The following ATG7 variants were observed in gnomAD, a reference collection of about 807,000 sequenced individuals.
ATG7 encodes ubiquitin-like modifier-activating enzyme ATG7.
A neutral mutation model predicts 82.4 loss-of-function variants in ATG7; 70 were observed. The observed-to-expected ratio is 0.85, with a 90% confidence interval of 0.70 to 1.04. The LOEUF (loss-of-function observed/expected upper bound fraction) is 1.04, where lower values mean the gene tolerates loss of function less well. Among genes scored for constraint, ATG7 ranks in the 50% least tolerant of loss-of-function variants. The probability of loss-of-function intolerance (pLI) is 0.00; values close to 1 mark genes in which losing one functional copy is unlikely to be tolerated. For missense variants in ATG7, 792 were observed against 864.3 expected (o/e 0.92, Z 1.05); for synonymous variants, 287 against 313.0 (o/e 0.92, Z 0.88).
chr3:11,472,649 T>G (rs1377883253), intron 20 of ATG7, among the ~76,000 whole-genome samples: 2 of 152,130 alleles, frequency 1.3e-5, no homozygotes, highest in African/African-American at 4.8e-5. Context: ...TGCTAATACG[T>G]CTGTTATTTC....
chr3:11,415,875 T>C (rs2152924110), intron 19 of ATG7, among the ~76,000 whole-genome samples: 1 of 152,260 alleles, frequency 6.6e-6, no homozygotes, highest in Non-Finnish European at 1.5e-5. Context: ...TTATGTACTA[T>C]ATATAATTGT....
At position 11,370,454 on chromosome 3, in the gene ATG7, C is replaced by G. The variant is rs188055651; in HGVS notation, c.1875+5720C>G. The stretch of plus-strand genomic sequence containing the variant: ...CTACACTCTCCATTTTGGCATTGAA[C>G]TTGATTAAGACTCTTTTCAGCATCC... On this transcript the variant is annotated intron_variant, in intron 18 of 20. Transcript: ENST00000693202. 2.0e-4 allele frequency among the ~76,000 whole-genome samples: 31 copies of G among 151,308 alleles called. 1 individual carries two copies. Among genetic ancestry groups the G allele is most frequent in the African/African-American group, 6.3e-4 (26 of 41,094 alleles).
At chr3:11,524,693 G>T (rs1367739049) in intron 20 of ATG7, among the ~76,000 whole-genome samples, 1 of 152,160 alleles carries the variant, frequency 6.6e-6, no homozygotes, top group Admixed American at 6.5e-5. Context: ...AGGCTGAGGT[G>T]GGAGGACCAG....
chr3:11,571,412 AG>A, the ATG7 span, among the ~76,000 whole-genome samples: 1 of 152,322 alleles, frequency 6.6e-6, no homozygotes, highest in South Asian at 2.1e-4. Context: ...GGCCAGGTGC[AG>A]TGACTCACGC....
At chr3:11,496,692 T>C (rs2090858887) in intron 20 of ATG7, among the ~76,000 whole-genome samples, 1 of 152,200 alleles carries the variant, frequency 6.6e-6, no homozygotes, top group Non-Finnish European at 1.5e-5. Context: ...TTGATCTTGT[T>C]GTACCCTGTT....
intron 20 of ATG7, chr3:11,529,719 T>A (rs2092656728): frequency 3.3e-5 from 5 of 152,728 alleles, no homozygotes. Context: ...CCTGGTCTCT[T>A]CAGTGGCAAG....
At chr3:11,479,471 G>A (rs908148006) in intron 20 of ATG7, among the ~76,000 whole-genome samples, 1 of 152,132 alleles carries the variant, frequency 6.6e-6, no homozygotes, top group Non-Finnish European at 1.5e-5. Context: ...ACATCGTAAA[G>A]TTACTTCCAA....
chr3:11,568,513 G>A, the ATG7 span: 21 of 1,496,158 alleles, frequency 1.4e-5, no homozygotes, highest in Non-Finnish European at 1.7e-5. The surrounding 1 kb of genome is among the most constrained non-coding windows in gnomAD (Gnocchi z 5.9). Context: ...ACAGCACAGT[G>A]GGCACTATGG....
chr3:11,434,441 G>A (rs1424824340), intron 20 of ATG7, among the ~76,000 whole-genome samples: 2 of 152,094 alleles, frequency 1.3e-5, no homozygotes, highest in African/African-American at 4.8e-5. Flanking sequence ...GGCCATCCTG[G>A]GACTGTGCCC....
Position 11,315,472 on chromosome 3 carries a change from C to G in ATG7, c.657C>G (p.Phe219Leu), listed in dbSNP as rs1273413022. The change falls in exon 9 of 21, where the codon TTC (phenylalanine) becomes TTG (leucine). Residue 219 changes from phenylalanine (F) to leucine (L), a missense_variant. Coordinates refer to ENST00000693202, the MANE Select transcript of ATG7 (RefSeq NM_001349232.2). ...CCTTGCTTAAACACTACAGTGATTT[C>G]TTCCAAGGTCAAAGGACGAAGGTCA... Reference protein sequence around the residue: ...LVSLLKHYSDFFQGQRTKITI... With the variant: ...LVSLLKHYSDLFQGQRTKITI... The G allele has an allele frequency of 1.9e-6, 3 of 1,601,984 alleles. No homozygotes were observed. The highest frequency in any genetic ancestry group is 8.5e-7 in the Non-Finnish European group (1 of 1,175,654).
At chr3:11,411,619 C>CA (rs71055868) in intron 19 of ATG7, among the ~76,000 whole-genome samples, 720 of 71,718 alleles carry the variant, frequency 0.01, 40 homozygotes, top group Non-Finnish European at 0.015. Flanking sequence ...ACTCTGTCTC[C>CA]AAAAAAAAAA....
rs1022289897 is a variant in ATG7 at position 11,388,502 on chromosome 3, C to A, written c.1956+8450C>A. 2.6e-5 allele frequency among the ~76,000 whole-genome samples: 4 copies of A among 151,418 alleles called. No homozygotes were observed. The South Asian group carries it at 8.3e-4, about 32-fold the overall frequency. ...GGAGTGCAGTGGCGCTATCTCAGCT[C>A]ACTGCAAGCTCCGCCTCCCAGGTTC... is the stretch of plus-strand genomic sequence containing the variant. On this transcript the variant is annotated intron_variant, in intron 19 of 20. Transcript: ENST00000693202.
intron 20 of ATG7, among the ~76,000 whole-genome samples, chr3:11,441,547 T>G (rs1447720163): frequency 6.6e-6 from 1 of 151,796 alleles, no homozygotes; most frequent in Non-Finnish European, 1.5e-5. Context: ...CAGCCTGCAT[T>G]ATGTTTTAAA....
In ATG7 at chr3:11,362,919, A is replaced by G. The variant is rs747849501; in HGVS notation, c.1790A>G (p.His597Arg). 2 of 1,613,726 alleles carry G rather than the reference A, an allele frequency of 1.2e-6. No homozygotes were observed. The highest frequency in any genetic ancestry group is 2.7e-5 in the African/African-American group (2 of 74,924). The change falls in exon 17 of 21, where the codon CAT becomes CGT. Residue 597 changes from histidine to arginine, a missense_variant. His to Arg is a conservative substitution (Grantham distance 29, BLOSUM62 0). Transcript: ENST00000693202. Reference protein sequence around the residue: ...AVELMVSVLQHPEGGYAIASS... With the variant: ...AVELMVSVLQRPEGGYAIASS... ...GAATTGATGGTATCTGTTTTGCAGC[A>G]TCCAGAAGGGTGAGTTTGCTAGTAG...
At chr3:11,508,600 A>G (rs2091876611) in intron 20 of ATG7, among the ~76,000 whole-genome samples, 2 of 152,096 alleles carry the variant, frequency 1.3e-5, no homozygotes, top group Admixed American at 6.6e-5. Flanking sequence ...GTGTACCACC[A>G]TGCCTGCTAA....
At chr3:11,347,573 T>A (rs1441823936) in intron 13 of ATG7, among the ~76,000 whole-genome samples, 2 of 152,204 alleles carry the variant, frequency 1.3e-5, no homozygotes, top group African/African-American at 2.4e-5. Flanking sequence ...ACATAGACAA[T>A]TCTTATGGGA....
chr3:11,425,697 A>G (rs2082308013), intron 19 of ATG7, among the ~76,000 whole-genome samples: 1 of 152,202 alleles, frequency 6.6e-6, no homozygotes, highest in Non-Finnish European at 1.5e-5. Flanking sequence ...ATCCAAAAAA[A>G]ACACATAAGT....
chr3:11,437,253 TCTTC>T (rs1468418378), intron 20 of ATG7, among the ~76,000 whole-genome samples: 1 of 152,218 alleles, frequency 6.6e-6, no homozygotes. Flanking sequence ...GACAAGGATC[TCTTC>T]CATTTTTATT....
chr3:11,417,219 C>T (rs998055895), intron 19 of ATG7, among the ~76,000 whole-genome samples: 3 of 152,156 alleles, frequency 2.0e-5, no homozygotes, highest in Non-Finnish European at 2.9e-5. Flanking sequence ...AGTTCAAGTG[C>T]GTCCTTTTTA....
Sources: allele counts gnomAD v4.1 joint callset (sites outside exome capture counted in the v4.1 genomes callset), GRCh38; gene constraint gnomAD v4.1.1; non-coding constraint Gnocchi (gnomAD v3.1); transcripts MANE v1.5; gene names NCBI Gene and HGNC (gene_info 2026-07-23, HGNC 2026-07-21).